The following TENM3 variants were observed in gnomAD, a reference collection of about 807,000 sequenced individuals.
TENM3 encodes teneurin-3.
TENM3 carries 63 observed loss-of-function variants against 255.1 expected under a neutral mutation model. That is an observed-to-expected ratio of 0.25 (90% CI 0.20 to 0.30). TENM3 has a LOEUF of 0.30. TENM3 is among the 10% of genes least tolerant of loss of function. TENM3 has a pLI of 1.00. For missense variants in TENM3, 2,929 were observed against 3,461.1 expected, an observed-to-expected ratio of 0.85 and a Z score of 3.86; for synonymous variants, 1,306 against 1,322.3, an observed-to-expected ratio of 0.99 and a Z score of 0.27.
At chr4:182,675,729 C>T (rs1446733667) in intron 7 of TENM3, among the ~76,000 whole-genome samples, 2 of 152,108 alleles carry the variant, frequency 1.3e-5, no homozygotes, top group Non-Finnish European at 2.9e-5. Flanking sequence ...CAATAGTAAA[C>T]ATGTAACTTA....
the TENM3 span, among the ~76,000 whole-genome samples, chr4:181,874,172 G>A: frequency 3.9e-5 from 6 of 152,152 alleles, no homozygotes. Context: ...ACCCGCCTCA[G>A]CCTCCCAAAC....
chr4:181,460,340 T>C, the TENM3 span, among the ~76,000 whole-genome samples: 1 of 151,950 alleles, frequency 6.6e-6, no homozygotes. Flanking sequence ...ACCTGCCTTA[T>C]TACTGATCTT....
intron 13 of TENM3, 102 bp from the exon 14 acceptor site, chr4:182,728,863 C>G: frequency 1.2e-6 from 1 of 808,390 alleles, no homozygotes. Flanking sequence ...CGGGAGAAAT[C>G]ACTTGATGTG....
chr4:182,288,314 C>T (rs1760883103), intron 1 of TENM3, among the ~76,000 whole-genome samples: 6 of 152,182 alleles, frequency 3.9e-5, no homozygotes, highest in Admixed American at 3.9e-4. Context: ...AAGCAGTCCT[C>T]CTGCCTCAGC....
intron 9 of TENM3, 53 bp downstream of exon 9, chr4:182,680,402 C>G: frequency 7.4e-7 from 1 of 1,353,768 alleles, no homozygotes; most frequent in South Asian, 1.2e-5. Flanking sequence ...TGTAGAAACA[C>G]AAGTGATTCC....
the TENM3 span, among the ~76,000 whole-genome samples, chr4:181,644,177 G>A: frequency 2.0e-5 from 3 of 151,860 alleles, no homozygotes; most frequent in South Asian, 6.3e-4. Context: ...GTTCCATAGT[G>A]CCTATAAAAG....
intron 3 of TENM3, among the ~76,000 whole-genome samples, chr4:182,396,569 G>A (rs778560819): frequency 8.5e-5 from 13 of 152,272 alleles, no homozygotes; most frequent in Admixed American, 2.0e-4. Flanking sequence ...TCAGATTGAG[G>A]TGGAAGTCTT....
chr4:181,746,711 A>G, the TENM3 span, among the ~76,000 whole-genome samples: 1 of 150,874 alleles, frequency 6.6e-6, no homozygotes, highest in Non-Finnish European at 1.5e-5. Flanking sequence ...TCTTTTTATC[A>G]TCTATCATAC....
chr4:182,771,421 T>C (rs1764195219), intron 22 of TENM3, among the ~76,000 whole-genome samples: 1 of 150,330 alleles, frequency 6.7e-6, no homozygotes, highest in Non-Finnish European at 1.5e-5. Context: ...GTCCCAGTTA[T>C]GGTCCAGTCA....
the TENM3 span, among the ~76,000 whole-genome samples, chr4:181,717,896 G>A: frequency 4.8e-4 from 73 of 152,080 alleles, no homozygotes; most frequent in Admixed American, 1.2e-3. Flanking sequence ...CTATACCTTC[G>A]CGGGATAACA....
chr4:181,702,836 T>G, the TENM3 span, among the ~76,000 whole-genome samples: 1 of 152,332 alleles, frequency 6.6e-6, no homozygotes, highest in South Asian at 2.1e-4. Flanking sequence ...TTTATCATAT[T>G]TAATTTTTAA....
At chr4:182,449,255 G>T (rs1161145554) in intron 3 of TENM3, among the ~76,000 whole-genome samples, 1 of 5,264 alleles carries the variant, frequency 1.9e-4, no homozygotes, top group African/African-American at 5.4e-4. Context: ...TTGTGGTGTC[G>T]GAATGGGAGG....
At chr4:181,482,299 T>A in the TENM3 span, among the ~76,000 whole-genome samples, 1 of 152,166 alleles carries the variant, frequency 6.6e-6, no homozygotes, top group African/African-American at 2.4e-5. Context: ...ACATTTATTA[T>A]CCCATTATCA....
the TENM3 span, among the ~76,000 whole-genome samples, chr4:181,545,996 A>G: frequency 9.8e-5 from 15 of 152,330 alleles, no homozygotes; most frequent in African/African-American, 3.6e-4. Context: ...AGTTCTCTTC[A>G]CCATGTCTTG....
chr4:182,178,389 A>G (rs1042249285), intron 1 of TENM3, among the ~76,000 whole-genome samples: 7 of 152,230 alleles, frequency 4.6e-5, no homozygotes, highest in African/African-American at 1.7e-4. Flanking sequence ...CATTACCTTC[A>G]CAACACTGTT....
chr4:182,205,744 AC>A, intron 1 of TENM3, among the ~76,000 whole-genome samples: 1 of 152,294 alleles, frequency 6.6e-6, no homozygotes, highest in East Asian at 1.9e-4. Context: ...CTCACATTTG[AC>A]TGCTATCTTC....
At chr4:182,135,016 G>T in the TENM3 span, among the ~76,000 whole-genome samples, 6 of 151,722 alleles carry the variant, frequency 4.0e-5, no homozygotes, top group Non-Finnish European at 7.4e-5. Context: ...GACCATCCTG[G>T]CCAACATGGT....
chr4:182,371,626 A>G lies in TENM3; in HGVS notation c.511+24697A>G, dbSNP rs1766821761. Among the ~76,000 whole-genome samples, 3 of 152,110 alleles carry G rather than the reference A, an allele frequency of 2.0e-5. No homozygotes were observed. In the South Asian group the frequency reaches 6.2e-4, roughly 32 times the overall value. On this transcript the variant is annotated intron_variant, in intron 3 of 27. Coordinates refer to ENST00000511685, the MANE Select transcript of TENM3 (RefSeq NM_001080477.4). ...TTCCTGGATCACCATGGATGACTAG[A>G]TTAGGATTTTCTGATCATTCTCTTC...
chr4:181,550,753 T>C, the TENM3 span, among the ~76,000 whole-genome samples: 18,909 of 152,178 alleles, frequency 0.12, 1,348 homozygotes, highest in Middle Eastern at 0.24. Flanking sequence ...GTATTTATTA[T>C]TACTCTAGTT....
Sources: allele counts gnomAD v4.1 joint callset (sites outside exome capture counted in the v4.1 genomes callset), GRCh38; gene constraint gnomAD v4.1.1; transcripts MANE v1.5; gene names NCBI Gene and HGNC (gene_info 2026-07-23, HGNC 2026-07-21).